Variants in MED26 observed in about 807,000 individuals in gnomAD.
The protein encoded by MED26 is mediator complex subunit 26.
MED26 carries 7 observed loss-of-function variants against 43.7 expected under a neutral mutation model. The observed-to-expected ratio is 0.16, with a 90% CI of 0.09 to 0.30. MED26 has a LOEUF of 0.30. Ranked by LOEUF, MED26 falls within the 10% of genes least tolerant of loss-of-function variation. The probability of loss-of-function intolerance (pLI) is 1.00; values close to 1 mark genes in which losing one functional copy is unlikely to be tolerated. For missense variants in MED26, 784 were observed against 840.6 expected (o/e 0.93, Z 0.83); for synonymous variants, 375 against 371.1 (o/e 1.01, Z -0.12).
At chr19:16,622,303 T>C (rs2086255433) in intron 1 of MED26, among the ~76,000 whole-genome samples, 1 of 152,178 alleles carries the variant, frequency 6.6e-6, no homozygotes, top group African/African-American at 2.4e-5. Flanking sequence ...CCATGCTCTA[T>C]CTGCCCTCCT....
chr19:16,616,830 T>C (rs1214108118), intron 1 of MED26, among the ~76,000 whole-genome samples: 1 of 151,988 alleles, frequency 6.6e-6, no homozygotes, highest in Non-Finnish European at 1.5e-5. Flanking sequence ...AAGAGACCAA[T>C]GCAGCAAGGG....
Position 16,628,165 on chromosome 19 carries a change from C to T in MED26, c.-222G>A, listed in dbSNP as rs1252961720. 3 of 360,890 alleles carry T rather than the reference C, an allele frequency of 8.3e-6. No individual in the cohort carries two copies. Among genetic ancestry groups the T allele is most frequent in the Non-Finnish European group, 1.5e-5 (3 of 204,030 alleles). The allele number at this position is 360,890 out of a possible 1,614,324, so 22.4% of individuals were successfully genotyped here. ...GGAGGAGGAGGAGCCGCCGGAGCCG[C>T]CGCCGCTCGCTGCCGCCGCCTCGAG... On this transcript the variant is annotated 5_prime_UTR_variant, in exon 1 of 3. Coordinates refer to ENST00000263390, the MANE Select transcript of MED26 (RefSeq NM_004831.5).
intron 1 of MED26, among the ~76,000 whole-genome samples, chr19:16,598,230 G>A (rs2122415792): frequency 6.6e-6 from 1 of 151,300 alleles, no homozygotes; most frequent in South Asian, 2.1e-4. Flanking sequence ...CCAGCTACTC[G>A]GGAAGCTGAC....
intron 1 of MED26, among the ~76,000 whole-genome samples, chr19:16,612,668 T>C (rs1354144780): frequency 6.6e-6 from 1 of 152,192 alleles, no homozygotes; most frequent in Non-Finnish European, 1.5e-5. Flanking sequence ...GTGCACAAAG[T>C]TGTATTTTGA....
chr19:16,592,662 C>T (rs1388981695), intron 1 of MED26, among the ~76,000 whole-genome samples: 1 of 152,234 alleles, frequency 6.6e-6, no homozygotes, highest in Non-Finnish European at 1.5e-5. Flanking sequence ...ATCCACTTGG[C>T]TCCCAGAGCT....
chr19:16,620,812 T>G (rs1421797124), intron 1 of MED26, among the ~76,000 whole-genome samples: 1 of 152,242 alleles, frequency 6.6e-6, no homozygotes, highest in East Asian at 1.9e-4. Context: ...ACACTGATGC[T>G]GTTTTGATGA....
At position 16,602,963 on chromosome 19, in the gene MED26, C is replaced by T. The variant is rs373294374; in HGVS notation, c.73-24554G>A. 9.9e-4 allele frequency among the ~76,000 whole-genome samples: 151 copies of T among 152,326 alleles called. 3 individuals are homozygous for T. The South Asian group carries it at 0.03, about 31-fold the overall frequency. ...GACCACTGAACTGTACAGTTAAAAACAGCTAAGATGGTTAAGTTTTATGGG... is the reference window on the plus strand; with the variant it reads ...GACCACTGAACTGTACAGTTAAAAATAGCTAAGATGGTTAAGTTTTATGGG... On this transcript the variant is annotated intron_variant, in intron 1 of 2. Transcript: ENST00000263390.
Position 16,578,419 on chromosome 19 carries a change from T to TA in MED26, c.73-11dup. The stretch of plus-strand genomic sequence containing the variant: ...CCACCATGTTCCGGATCTGTGGAAA[T>TA]AAAAAGCCATTTGTCAGGTCCCTGT... On this transcript the variant is annotated splice_polypyrimidine_tract_variant and intron_variant, in intron 1 of 2. Coordinates refer to ENST00000263390, the MANE Select transcript of MED26 (RefSeq NM_004831.5). 1 of 1,613,608 alleles carries TA rather than the reference T, an allele frequency of 6.2e-7. No individual in the cohort carries two copies. The highest frequency in any genetic ancestry group is 8.5e-7 in the Non-Finnish European group (1 of 1,179,782).
rs139538806 is a variant in MED26, at chr19:16,586,432, C to T, written c.73-8023G>A. Among the ~76,000 whole-genome samples, 22 of 152,360 alleles carry T rather than the reference C, an allele frequency of 1.4e-4. No individual in the cohort carries two copies. The East Asian group carries it at 3.9e-3, about 27-fold the overall frequency. On this transcript the variant is annotated intron_variant, in intron 1 of 2. Transcript: ENST00000263390. This position sits in a 1 kb window ranked among gnomAD's most constrained non-coding sequence, Gnocchi z 5.1. ...GTGGGGTGAAGGGTACCAGGTGCCACCAGCCTGTGGTGATGTCGGCACTCT... is the reference window on the plus strand; with the variant it reads ...GTGGGGTGAAGGGTACCAGGTGCCATCAGCCTGTGGTGATGTCGGCACTCT...
intron 1 of MED26, among the ~76,000 whole-genome samples, chr19:16,606,034 G>C (rs751788): frequency 0.036 from 5,523 of 152,296 alleles, 239 homozygotes; most frequent in Admixed American, 0.088. Context: ...GCAAGGGATA[G>C]AGCATCGGAT....
chr19:16,588,830 G>C (rs986621249), intron 1 of MED26: 2 of 152,252 alleles, frequency 1.3e-5, no homozygotes, highest in African/African-American at 4.8e-5. Context: ...TGTCCAATTG[G>C]GCTGCTGTAA....
chr19:16,603,587 G>C (rs983126511), intron 1 of MED26, among the ~76,000 whole-genome samples: 32 of 152,230 alleles, frequency 2.1e-4, no homozygotes, highest in African/African-American at 7.2e-4. Flanking sequence ...CCTGGGGAAG[G>C]GACCTCAGCC....
chr19:16,595,600 G>A (rs2086116634), intron 1 of MED26, among the ~76,000 whole-genome samples: 1 of 152,146 alleles, frequency 6.6e-6, no homozygotes, highest in Non-Finnish European at 1.5e-5. Context: ...GACCTCAGAG[G>A]CCAAGCTCTG....
intron 1 of MED26, among the ~76,000 whole-genome samples, chr19:16,593,598 C>T (rs1253290112): frequency 1.3e-5 from 2 of 152,214 alleles, no homozygotes; most frequent in African/African-American, 4.8e-5. Flanking sequence ...CCACCATGTT[C>T]ACTCCAATAT....
At chr19:16,595,314 C>G (rs140599567) in intron 1 of MED26, among the ~76,000 whole-genome samples, 7 of 152,118 alleles carry the variant, frequency 4.6e-5, no homozygotes, top group Non-Finnish European at 2.9e-5. Flanking sequence ...CTGTGCTGAC[C>G]GAGCACACCG....
chr19:16,600,808 T>C (rs918642620), intron 1 of MED26, among the ~76,000 whole-genome samples: 6 of 152,090 alleles, frequency 3.9e-5, no homozygotes, highest in African/African-American at 1.4e-4. Context: ...TATTAAGAAA[T>C]TCTTGGCCGG....
intron 1 of MED26, among the ~76,000 whole-genome samples, chr19:16,622,528 G>C (rs2122460249): frequency 6.6e-6 from 1 of 152,346 alleles, no homozygotes. Flanking sequence ...TCCCGGTTCA[G>C]GGAATCCCGA....
In MED26 at chr19:16,577,912, T is replaced by C; in HGVS notation, c.148-230A>G. ...AGGGTCCCAGGTGGCTTCTCAGCAG[T>C]GCTGTCACCCAGGCTCCTGGTGTCA... On this transcript the variant is annotated intron_variant, in intron 2 of 2. Transcript: ENST00000263390. This position sits in a 1 kb window ranked among gnomAD's most constrained non-coding sequence, Gnocchi z 8.1. 2.0e-6 allele frequency: 1 copy of C among 491,064 alleles called. No individual in the cohort carries two copies. Among genetic ancestry groups the C allele is most frequent in the Non-Finnish European group, 3.6e-6 (1 of 279,078 alleles). 30.4% of individuals were successfully genotyped at this position (491,064 alleles called of 1,614,324 possible). A position where few individuals can be genotyped will look rare whatever the true frequency, so the allele number is the denominator to read the frequency against.
At position 16,575,865 on chromosome 19, in the gene MED26, G is replaced by A. The variant is rs1356796939; in HGVS notation, c.*162C>T. On this transcript the variant is annotated 3_prime_UTR_variant, in exon 3 of 3. Transcript: ENST00000263390. ...TCACAAAAAGAGTTTTGAGGGAAGA[G>A]CGCAGAGAGACCGCGTGACTCCCGC... 6 of 629,190 alleles carry A rather than the reference G, an allele frequency of 9.5e-6. No individual in the cohort carries two copies. The highest frequency in any genetic ancestry group is 1.7e-5 in the Non-Finnish European group (6 of 361,410). The allele number at this position is 629,190 out of a possible 1,614,324, so 39.0% of individuals were successfully genotyped here. A position where few individuals can be genotyped will look rare whatever the true frequency, so the allele number is the denominator to read the frequency against.
Sources: allele counts gnomAD v4.1 joint callset (sites outside exome capture counted in the v4.1 genomes callset), GRCh38; gene constraint gnomAD v4.1.1; non-coding constraint Gnocchi (gnomAD v3.1); transcripts MANE v1.5; gene names NCBI Gene and HGNC (gene_info 2026-07-23, HGNC 2026-07-21).